Variants in CCL24 observed in about 807,000 individuals in gnomAD.
CCL24 encodes the protein C-C motif chemokine ligand 24, also known as C-C motif chemokine 24.
In CCL24, 6 loss-of-function variants were observed where a neutral mutation model predicts 8.6. That is an observed-to-expected ratio of 0.70 (90% CI 0.38 to 1.38). CCL24 has a LOEUF of 1.38. Among genes scored for constraint, CCL24 ranks in the 40% most tolerant of loss-of-function variants. The pLI is 0.02. For missense variants in CCL24, 126 were observed against 147.1 expected, an observed-to-expected ratio of 0.86 and a Z score of 0.74; for synonymous variants, 59 against 52.7, an observed-to-expected ratio of 1.12 and a Z score of -0.52.
chr7:75,820,018 A>ACTTCCTCTTCTTCTTCTT (rs1554534774), intron 1 of CCL24, among the ~76,000 whole-genome samples: 29 of 104,910 alleles, frequency 2.8e-4, no homozygotes, highest in South Asian at 2.1e-3. Context: ...TTAGTAAACT[A>ACTTCCTCTTCTTCTTCTT]CTTCTTCTTC....
In CCL24 at chr7:75,813,735, C is replaced by G; in HGVS notation, c.-20G>C. ...TGCCATGTCTCAGAGAGCAGAAGCA[C>G]CAGCTCGGGGCTCAAAGCTGACGTG... On this transcript the variant is annotated 5_prime_UTR_variant, in exon 1 of 3. Transcript: ENST00000222902. 1 of 1,608,950 alleles carries G rather than the reference C, an allele frequency of 6.2e-7. No individual in the cohort carries two copies. The highest frequency in any genetic ancestry group is 1.1e-5 in the South Asian group (1 of 90,912).
upstream of CCL24, among the ~76,000 whole-genome samples, chr7:75,817,675 G>GC (rs1803921396): frequency 6.7e-6 from 1 of 150,266 alleles, no homozygotes; most frequent in Admixed American, 6.6e-5. Flanking sequence ...GCTAGTTTTT[G>GC]TTTTTTTAGT....
chr7:75,811,689 G>T lies in CCL24; in HGVS notation c.*107C>A. 1 of 1,013,016 alleles carries T rather than the reference G, an allele frequency of 9.9e-7. No individual in the cohort carries two copies. Among genetic ancestry groups the T allele is most frequent in the Non-Finnish European group, 1.4e-6 (1 of 695,114 alleles). 62.8% of individuals were successfully genotyped at this position (1,013,016 alleles called of 1,614,324 possible). A position where few individuals can be genotyped will look rare whatever the true frequency, so the allele number is the denominator to read the frequency against. ...ACACATCCCTGGAGAGTGTTGCTAA[G>T]AAACAGGAAAATTAGCTCTTCCCCC... On this transcript the variant is annotated 3_prime_UTR_variant, in exon 3 of 3. Coordinates refer to ENST00000222902, the MANE Select transcript of CCL24 (RefSeq NM_002991.3).
chr7:75,815,830 G>A (rs1245373137), upstream of CCL24, among the ~76,000 whole-genome samples: 1 of 152,178 alleles, frequency 6.6e-6, no homozygotes. Context: ...CAAGGAGGAG[G>A]AGGTAACAAT....
At chr7:75,813,540 CT>C in intron 1 of CCL24, 102 bp downstream of exon 1, 2 of 1,282,550 alleles carry the variant, frequency 1.6e-6, no homozygotes, top group Non-Finnish European at 2.3e-6. Flanking sequence ...CTGGGCCACC[CT>C]TTCCCCAGCG....
chr7:75,814,260 G>A (rs1416699875), upstream of CCL24, among the ~76,000 whole-genome samples: 1 of 152,166 alleles, frequency 6.6e-6, no homozygotes, highest in Non-Finnish European at 1.5e-5. Flanking sequence ...GTGATCAAGT[G>A]TGTGTAACAG....
At chr7:75,816,264 T>A (rs530587687), upstream of CCL24, among the ~76,000 whole-genome samples, 4 of 152,268 alleles carry the variant, frequency 2.6e-5, no homozygotes, top group African/African-American at 7.2e-5. Flanking sequence ...AGAGCACAAC[T>A]GGAGCCTGCG....
chr7:75,812,693 G>A (rs1476315093), intron 2 of CCL24, among the ~76,000 whole-genome samples: 1 of 152,254 alleles, frequency 6.6e-6, no homozygotes, highest in Admixed American at 6.6e-5. Context: ...ACTTTGGAAG[G>A]CTGAGATGGG....
chr7:75,814,088 T>TA (rs1474816179), upstream of CCL24, among the ~76,000 whole-genome samples: 1 of 152,208 alleles, frequency 6.6e-6, no homozygotes, highest in Non-Finnish European at 1.5e-5. Flanking sequence ...GGATCCTGGA[T>TA]AAGTCACTCA....
chr7:75,823,121 C>T (rs1018455668), intron 1 of CCL24, among the ~76,000 whole-genome samples: 2 of 152,134 alleles, frequency 1.3e-5, no homozygotes, highest in South Asian at 2.1e-4. Context: ...CTAAAGGAAG[C>T]GGGTAGACAT....
At chr7:75,819,565 C>T (rs62477640) in intron 1 of CCL24, among the ~76,000 whole-genome samples, 19,991 of 150,588 alleles carry the variant, frequency 0.13, 2,158 homozygotes, top group East Asian at 0.48. Flanking sequence ...GAGTTCAAGA[C>T]TAGCCTGGGT....
chr7:75,819,442 T>C (rs1268248434), intron 1 of CCL24, among the ~76,000 whole-genome samples: 5 of 146,606 alleles, frequency 3.4e-5, no homozygotes, highest in Non-Finnish European at 7.5e-5. Context: ...CTAGGCAACA[T>C]AGTGAAACCT....
chr7:75,811,645 C>G lies in CCL24; in HGVS notation c.*151G>C, dbSNP rs1466966483. The G allele has an allele frequency of 2.1e-5, 14 of 664,784 alleles. No individual in the cohort carries two copies. Among genetic ancestry groups the G allele is most frequent in the Non-Finnish European group, 4.9e-6 (2 of 407,910 alleles). 41.2% of individuals were successfully genotyped at this position (664,784 alleles called of 1,614,324 possible). On this transcript the variant is annotated 3_prime_UTR_variant, in exon 3 of 3. Coordinates refer to ENST00000222902, the MANE Select transcript of CCL24 (RefSeq NM_002991.3). ...CCGGGAACCACATCACCTGCTCCCT[C>G]GGGTTTTTCATAGAAGAGACACATC...
Position 75,819,617 on chromosome 7 carries a change from G to T in CCL24, c.-60+3705C>A, listed in dbSNP as rs1585031279. Reference sequence around the variant, plus strand: ...ATCTCTCAATAAATAAATAAAAGAAGGGGGCTGTCATCTCTGAAGATAAAT... The same window carrying T: ...ATCTCTCAATAAATAAATAAAAGAATGGGGCTGTCATCTCTGAAGATAAAT... On this transcript the variant is annotated intron_variant, in intron 1 of 3. Transcript: ENST00000416943. Among the ~76,000 whole-genome samples, 4 of 151,658 alleles carry T rather than the reference G, an allele frequency of 2.6e-5. No homozygotes were observed. In the East Asian group the frequency reaches 7.8e-4, roughly 30 times the overall value.
At position 75,811,824 on chromosome 7, in the gene CCL24, C is replaced by T. The variant is rs1273897977; in HGVS notation, c.332G>A (p.Arg111Lys). The change falls in exon 3 of 3, where the codon AGA becomes AAA. Residue 111 changes from arginine to lysine, a missense_variant. By Grantham distance (26) the Arg-to-Lys change is conservative. Coordinates refer to ENST00000222902, the MANE Select transcript of CCL24 (RefSeq NM_002991.3). ...RAVAVKGPVQRYPGNQTTC is the reference protein window; with the variant it reads ...RAVAVKGPVQKYPGNQTTC ...GCAGGTGGTTTGGTTGCCAGGATAT[C>T]TCTGGACAGGGCCCTTGACAGCCAC... 1.9e-6 allele frequency: 3 copies of T among 1,613,440 alleles called. No individual in the cohort carries two copies. The highest frequency in any genetic ancestry group is 1.7e-6 in the Non-Finnish European group (2 of 1,179,916).
At chr7:75,820,982 T>C (rs782637022) in intron 1 of CCL24, among the ~76,000 whole-genome samples, 4 of 152,050 alleles carry the variant, frequency 2.6e-5, no homozygotes, top group Non-Finnish European at 5.9e-5. Flanking sequence ...AACCCTGCTA[T>C]ATACCAGGTG....
chr7:75,820,328 G>A (rs1257660317), intron 1 of CCL24, among the ~76,000 whole-genome samples: 2 of 151,740 alleles, frequency 1.3e-5, no homozygotes, highest in Non-Finnish European at 1.5e-5. Context: ...ACAGGCGCAC[G>A]CCACCACACC....
chr7:75,812,037 G>A (rs549659544), intron 2 of CCL24, 73 bp from the exon 3 acceptor site: 8 of 1,286,258 alleles, frequency 6.2e-6, no homozygotes, highest in South Asian at 1.3e-5. Flanking sequence ...ATGGCGGGGG[G>A]GATGTGGACG....
intron 1 of CCL24, among the ~76,000 whole-genome samples, chr7:75,819,303 A>AAT (rs71082353): frequency 0.01 from 175 of 17,080 alleles, 6 homozygotes; most frequent in African/African-American, 0.03. Context: ...AAAAAAAAAA[A>AAT]ATATATATAT....
Sources: gnomAD v4.1 joint callset for allele counts (sites outside exome capture counted in the v4.1 genomes callset) on GRCh38, gnomAD v4.1.1 for gene constraint, MANE v1.5 for transcripts, NCBI Gene and HGNC (gene_info 2026-07-23, HGNC 2026-07-21) for gene names.